The following JHY variants were observed in gnomAD, a reference collection of about 807,000 sequenced individuals.
The protein encoded by JHY is junctional cadherin complex regulator, also known as jhy protein homolog.
In JHY, 69 loss-of-function variants were observed where a neutral mutation model predicts 78.0. That is an observed-to-expected ratio of 0.88 (90% confidence interval 0.73 to 1.08). The LOEUF is 1.08. Ranked by LOEUF, JHY falls within the 50% of genes least tolerant of loss-of-function variation. The probability of loss-of-function intolerance (pLI) is 0.00; values close to 1 mark genes in which losing one functional copy is unlikely to be tolerated. For synonymous variants in JHY, 368 were observed against 342.6 expected, an observed-to-expected ratio of 1.07 and a Z score of -0.82; for missense variants, 944 against 927.8, an observed-to-expected ratio of 1.02 and a Z score of -0.23.
At chr11:122,926,034 AAAG>A (rs1863491593) in intron 4 of JHY, among the ~76,000 whole-genome samples, 1 of 150,840 alleles carries the variant, frequency 6.6e-6, no homozygotes, top group African/African-American at 2.4e-5. Flanking sequence ...AAAAAAAAAA[AAAG>A]ATTAGCCAGG....
chr11:122,948,977 G>A (rs1053868796), intron 6 of JHY, among the ~76,000 whole-genome samples: 2 of 151,998 alleles, frequency 1.3e-5, no homozygotes, highest in Admixed American at 6.6e-5. Context: ...CCAGCTACTC[G>A]GGAGGCTGAG....
At position 122,959,314 on chromosome 11, in the gene JHY, G is replaced by T. The variant is rs1445489380; in HGVS notation, c.2206G>T (p.Glu736Ter). ...PSNLTHQASK[E>*]QKNPTYAGKE... Reference sequence around the variant, plus strand: ...AAATCTGACTCATCAAGCATCAAAGGAACAAAAAAATCCAACCTATGCTGG... The same window carrying T: ...AAATCTGACTCATCAAGCATCAAAGTAACAAAAAAATCCAACCTATGCTGG... Residue 736 changes from glutamate (E) to a stop codon, truncating the protein, a stop_gained, in exon 9 of 9, where the codon GAA becomes TAA. Coordinates refer to ENST00000227349, the MANE Select transcript of JHY (RefSeq NM_024806.4). LOFTEE classifies it high-confidence loss of function. The T allele has an allele frequency of 1.2e-5, 19 of 1,613,950 alleles. No individual in the cohort carries two copies. Among genetic ancestry groups the T allele is most frequent in the Non-Finnish European group, 1.6e-5 (19 of 1,179,972 alleles).
intron 7 of JHY, among the ~76,000 whole-genome samples, chr11:122,956,805 A>C (rs1864201923): frequency 6.6e-6 from 1 of 152,224 alleles, no homozygotes; most frequent in African/African-American, 2.4e-5. Flanking sequence ...TTAGTTTTGA[A>C]GGCCCGCACG....
Position 122,934,855 on chromosome 11 carries a change from C to T in JHY, c.1414C>T (p.His472Tyr), listed in dbSNP as rs570529964. 51 of 1,613,924 alleles carry T rather than the reference C, an allele frequency of 3.2e-5. No individual in the cohort carries two copies. The highest frequency in any genetic ancestry group is 1.4e-4 in the South Asian group (13 of 91,062). ...GCTGAATGTTAATAAAGAAAGAGGA[C>T]ACAAAGACCAAGAAGAGAAAAGATT... ...SGLNVNKERG[H>Y]KDQEEKRFSY... Residue 472 changes from histidine (H) to tyrosine (Y), a missense_variant, in exon 5 of 9, where the codon CAC becomes TAC. His to Tyr is a moderately conservative substitution (Grantham distance 83). Transcript: ENST00000227349.
rs777825407 is a variant in JHY, at chr11:122,946,737, GCTAT to G, written c.1877_1880del (p.Tyr626CysfsTer21). 10 of 1,613,822 alleles carry G rather than the reference GCTAT, an allele frequency of 6.2e-6. No individual in the cohort carries two copies. The highest frequency in any genetic ancestry group is 1.1e-5 in the South Asian group (1 of 91,008). On this transcript the variant is annotated frameshift_variant, in exon 6 of 9. Transcript: ENST00000227349. LOFTEE classifies it high-confidence loss of function. ...AAAATTAGCCGTAGCAATTCTGAAGGCTATCTGTTTCAACTGGAAAAGGGAAAAA... is the reference window on the plus strand; with the variant it reads ...AAAATTAGCCGTAGCAATTCTGAAGGCTGTTTCAACTGGAAAAGGGAAAAA...
At chr11:122,924,784 A>T (rs1270622995) in intron 3 of JHY, 113 bp from the exon 4 acceptor site, 5 of 739,976 alleles carry the variant, frequency 6.8e-6, no homozygotes, top group Non-Finnish European at 1.1e-5. Flanking sequence ...AAATTAACTG[A>T]AAATAAAACC....
chr11:122,931,013 C>A (rs1041270796), intron 4 of JHY, among the ~76,000 whole-genome samples: 2 of 152,022 alleles, frequency 1.3e-5, no homozygotes, highest in African/African-American at 4.8e-5. Context: ...TGTCCTCACA[C>A]AATGGAGGGG....
intron 4 of JHY, among the ~76,000 whole-genome samples, chr11:122,927,717 TTTTC>T (rs1444161692): frequency 2.0e-5 from 3 of 149,686 alleles, no homozygotes; most frequent in Non-Finnish European, 4.4e-5. Flanking sequence ...TTTCTTTTTC[TTTTC>T]TTTTCTTTTT....
chr11:122,923,841 C>T (rs1435497124), intron 3 of JHY, among the ~76,000 whole-genome samples: 3 of 150,628 alleles, frequency 2.0e-5, no homozygotes, highest in Non-Finnish European at 4.4e-5. Context: ...CTCAGCCTTC[C>T]GAGTAGCTGG....
At chr11:122,925,346 A>G (rs1026801762) in intron 4 of JHY, among the ~76,000 whole-genome samples, 7 of 152,236 alleles carry the variant, frequency 4.6e-5, no homozygotes, top group African/African-American at 1.7e-4. Context: ...TGCTGCTCCC[A>G]AATCTGATTC....
chr11:122,959,627 T>G lies in JHY; in HGVS notation c.*182T>G. 1 of 590,378 alleles carries G rather than the reference T, an allele frequency of 1.7e-6. No individual in the cohort carries two copies. The highest frequency in any genetic ancestry group is 2.6e-5 in the South Asian group (1 of 39,164). The allele number at this position is 590,378 out of a possible 1,614,324, so 36.6% of individuals were successfully genotyped here. ...ATTGGATTATGGTGCCATATTTTACTTTCTAGGAAGAAAATTTTTTAAATT... is the reference window on the plus strand; with the variant it reads ...ATTGGATTATGGTGCCATATTTTACGTTCTAGGAAGAAAATTTTTTAAATT... On this transcript the variant is annotated 3_prime_UTR_variant, in exon 9 of 9. Coordinates refer to ENST00000227349, the MANE Select transcript of JHY (RefSeq NM_024806.4).
At chr11:122,893,552 T>C (rs1222072496) in intron 2 of JHY, among the ~76,000 whole-genome samples, 1 of 152,178 alleles carries the variant, frequency 6.6e-6, no homozygotes, top group Non-Finnish European at 1.5e-5. Flanking sequence ...TAAAGTGTGA[T>C]TTATTTAAAT....
intron 4 of JHY, among the ~76,000 whole-genome samples, chr11:122,925,693 C>T (rs573721357): frequency 1.6e-3 from 249 of 151,926 alleles, no homozygotes; most frequent in African/African-American, 5.2e-3. Flanking sequence ...ACCAGCTTGG[C>T]CAACATAGTG....
At chr11:122,937,768 G>A (rs1012747025) in intron 5 of JHY, among the ~76,000 whole-genome samples, 7 of 151,800 alleles carry the variant, frequency 4.6e-5, no homozygotes, top group African/African-American at 1.5e-4. Flanking sequence ...TTCCATCCCC[G>A]TTCTCTTTCT....
Position 122,934,594 on chromosome 11 carries a change from A to G in JHY, c.1153A>G (p.Thr385Ala). 6.2e-7 allele frequency: 1 copy of G among 1,614,112 alleles called. No homozygotes were observed. Among genetic ancestry groups the G allele is most frequent in the Non-Finnish European group, 8.5e-7 (1 of 1,180,010 alleles). The change falls in exon 5 of 9, where the codon ACT (threonine) becomes GCT (alanine). Residue 385 changes from threonine (T) to alanine (A), a missense_variant. Thr to Ala is a moderately conservative substitution (Grantham distance 58, BLOSUM62 0). Transcript: ENST00000227349. The stretch of plus-strand genomic sequence containing the variant: ...GAAGTCTTCCACAACGGAAGAGGTG[A>G]CTGCCAGTCAGGGGAACCAGAATAA... ...GLKSSTTEEV[T>A]ASQGNQNNPP...
intron 4 of JHY, among the ~76,000 whole-genome samples, chr11:122,929,182 C>G (rs1269509944): frequency 6.6e-6 from 1 of 151,382 alleles, no homozygotes; most frequent in Non-Finnish European, 1.5e-5. Context: ...CTGCCTTGGC[C>G]TCCCAAAGTG....
At chr11:122,956,458 G>A in intron 6 of JHY, 38 bp from the exon 7 acceptor site, 1 of 1,595,306 alleles carries the variant, frequency 6.3e-7, no homozygotes, top group Non-Finnish European at 8.6e-7. Context: ...GGACACACAA[G>A]TCCTTAAAAG....
intron 3 of JHY, chr11:122,905,316 G>A: frequency 6.3e-7 from 1 of 1,593,938 alleles, no homozygotes; most frequent in South Asian, 1.1e-5. Flanking sequence ...CAAGAGTGGG[G>A]TTAGAATGGT....
intron 2 of JHY, among the ~76,000 whole-genome samples, chr11:122,901,454 T>C (rs531410153): frequency 7.0e-3 from 328 of 46,996 alleles, no homozygotes; most frequent in African/African-American, 0.025. Flanking sequence ...TTATTTTATA[T>C]ACTTTTAATT....
Sources: gnomAD v4.1 joint callset for allele counts (sites outside exome capture counted in the v4.1 genomes callset) on GRCh38, gnomAD v4.1.1 for gene constraint, MANE v1.5 for transcripts, NCBI Gene and HGNC (gene_info 2026-07-23, HGNC 2026-07-21) for gene names.